The following PATL2 variants were observed in gnomAD, a reference collection of about 807,000 sequenced individuals.
PATL2 encodes the protein PAT1 homolog 2.
Under a neutral mutation model 77.0 loss-of-function variants are expected in PATL2, and 73 were observed. That is an observed-to-expected ratio of 0.95 (90% CI 0.78 to 1.15). The LOEUF (loss-of-function observed/expected upper bound fraction) is 1.15, where lower values mean the gene tolerates loss of function less well. PATL2 is among the 50% of genes most tolerant of loss of function. The pLI, the probability that PATL2 is intolerant of heterozygous loss-of-function variation, is 0.00. For synonymous variants in PATL2, 265 were observed against 257.1 expected, an observed-to-expected ratio of 1.03 and a Z score of -0.29; for missense variants, 618 against 655.4, an observed-to-expected ratio of 0.94 and a Z score of 0.62.
At chr15:44,686,054 G>A (rs987033956) in intron 3 of PATL2, among the ~76,000 whole-genome samples, 4 of 150,784 alleles carry the variant, frequency 2.7e-5, no homozygotes, top group African/African-American at 9.8e-5. Flanking sequence ...TGGACCAAGT[G>A]GACCTAATAG....
chr15:44,667,025 G>T, intron 16 of PATL2, 81 bp downstream of exon 16: 1 of 1,102,716 alleles, frequency 9.1e-7, no homozygotes, highest in Non-Finnish European at 1.3e-6. Context: ...ACTTGAAAAT[G>T]CCTCAGGAAA....
At chr15:44,703,365 C>A (rs573575622) in intron 3 of PATL2, among the ~76,000 whole-genome samples, 1 of 152,170 alleles carries the variant, frequency 6.6e-6, no homozygotes, top group Non-Finnish European at 1.5e-5. Flanking sequence ...GATGATCTGT[C>A]CAATGCTGAA....
chr15:44,669,465 T>G, intron 12 of PATL2, 45 bp downstream of exon 12: 1 of 1,549,116 alleles, frequency 6.5e-7, no homozygotes, highest in East Asian at 2.5e-5. Context: ...TATCTCATTC[T>G]CAAAGGTAGG....
At chr15:44,675,940 G>A (rs2085934217) in intron 4 of PATL2, 3 of 474,132 alleles carry the variant, frequency 6.3e-6, no homozygotes, top group Non-Finnish European at 1.1e-5. Context: ...CCAGTTACTT[G>A]GGAGGCCAAG....
rs777990250 is a variant in PATL2, at chr15:44,673,256, G to T, written c.425C>A (p.Thr142Asn). 7 of 1,551,600 alleles carry T rather than the reference G, an allele frequency of 4.5e-6. No homozygotes were observed. In the South Asian group the frequency reaches 8.3e-5, roughly 18 times the overall value. Residue 142 changes from threonine (T) to asparagine (N), a missense_variant, in exon 7 of 18, where the codon ACC (threonine) becomes AAC (asparagine). By Grantham distance (65) the Thr-to-Asn change is moderately conservative. Coordinates refer to ENST00000682850, the MANE Select transcript of PATL2 (RefSeq NM_001387263.1). ...GTACCTGAACCTAGGGGGCCACGAG[G>T]TCAGCAGGCTGCAGAAGAGAGTTGG... is the stretch of plus-strand genomic sequence containing the variant. ...PDPTLFCSLL[T>N]SWPPRFSHLT...
intron 4 of PATL2, 175 bp downstream of exon 4, chr15:44,676,296 TGAGA>T (rs2085950828): frequency 1.6e-6 from 1 of 629,366 alleles, no homozygotes; most frequent in Non-Finnish European, 2.9e-6. Flanking sequence ...ACTAGGTTGG[TGAGA>T]AAAATAAAGC....
At position 44,666,552 on chromosome 15, in the gene PATL2, T is replaced by C; in HGVS notation, c.1464-11A>G. ...ACCACCATGTCTGTCCTAGAGAGCATAAATATAAATATAAGCAAATAGATT... is the reference window on the plus strand; with the variant it reads ...ACCACCATGTCTGTCCTAGAGAGCACAAATATAAATATAAGCAAATAGATT... On this transcript the variant is annotated splice_polypyrimidine_tract_variant and intron_variant, in intron 16 of 17. Transcript: ENST00000682850. 1 of 1,499,000 alleles carries C rather than the reference T, an allele frequency of 6.7e-7. No individual in the cohort carries two copies. The allele number at this position is 1,499,000 out of a possible 1,614,324, so 92.9% of individuals were successfully genotyped here. A position where few individuals can be genotyped will look rare whatever the true frequency, so the allele number is the denominator to read the frequency against.
Position 44,669,369 on chromosome 15 carries a change from C to T in PATL2, c.975G>A (p.Arg325=). The T allele has an allele frequency of 6.4e-7, 1 of 1,551,560 alleles. No individual in the cohort carries two copies. The highest frequency in any genetic ancestry group is 8.7e-7 in the Non-Finnish European group (1 of 1,146,894). The change falls in exon 13 of 18, where the codon AGG becomes AGA. Residue 325 remains arginine (R), a synonymous_variant. Transcript: ENST00000682850. ...LLEIEEGWKY[R]PPPPCFSEQQ... ...GCTCAGAAAAGCAGGGCGGTGGAGG[C>T]CTATACTTCCAGCCTTCCTCTATTT...
At chr15:44,683,202 T>C (rs916531139) in intron 3 of PATL2, among the ~76,000 whole-genome samples, 1 of 152,050 alleles carries the variant, frequency 6.6e-6, no homozygotes, top group Admixed American at 6.6e-5. Flanking sequence ...GTTTTTTTTT[T>C]CATACCCCAG....
chr15:44,675,673 C>A lies in PATL2; in HGVS notation c.35G>T (p.Gly12Val). 2 of 1,550,524 alleles carry A rather than the reference C, an allele frequency of 1.3e-6. No homozygotes were observed. Among genetic ancestry groups the A allele is most frequent in the Non-Finnish European group, 1.7e-6 (2 of 1,146,282 alleles). ...NCLEGPGKTC[G>V]PLASEEELVS... ...CAGCTCCTCCTCAGAAGCCAAGGGGCCACAGGTCTTACCTGGCCCTTGGTT... is the reference window on the plus strand; with the variant it reads ...CAGCTCCTCCTCAGAAGCCAAGGGGACACAGGTCTTACCTGGCCCTTGGTT... The change falls in exon 5 of 18, where the codon GGC (glycine) becomes GTC (valine). Residue 12 changes from glycine (G) to valine (V), a missense_variant. By Grantham distance (109) the Gly-to-Val change is moderately radical. Transcript: ENST00000682850.
intron 3 of PATL2, among the ~76,000 whole-genome samples, chr15:44,683,282 AG>A (rs2086175323): frequency 6.6e-6 from 1 of 152,108 alleles, no homozygotes; most frequent in South Asian, 2.1e-4. Flanking sequence ...CAGGGAGCCA[AG>A]TGGTCTAGCT....
chr15:44,682,874 A>T (rs770579727), intron 3 of PATL2, among the ~76,000 whole-genome samples: 11 of 152,196 alleles, frequency 7.2e-5, no homozygotes, highest in Non-Finnish European at 1.3e-4. Context: ...TGATTTCTGC[A>T]TTTCCAACTG....
At chr15:44,689,730 A>G (rs1287075116) in intron 3 of PATL2, among the ~76,000 whole-genome samples, 1 of 152,096 alleles carries the variant, frequency 6.6e-6, no homozygotes, top group East Asian at 1.9e-4. Flanking sequence ...GGACTAGGGG[A>G]GGGATACCAT....
intron 16 of PATL2, 150 bp from the exon 17 acceptor site, chr15:44,666,691 G>A: frequency 1.3e-6 from 1 of 745,296 alleles, no homozygotes; most frequent in Non-Finnish European, 2.1e-6. Flanking sequence ...TTTGGTACGT[G>A]CCAAGCAATG....
chr15:44,690,160 G>C (rs2086356972), intron 3 of PATL2, among the ~76,000 whole-genome samples: 1 of 152,120 alleles, frequency 6.6e-6, no homozygotes, highest in Admixed American at 6.5e-5. Context: ...TTGCACTCCA[G>C]CCTGGGCAAC....
At chr15:44,699,876 A>G (rs905960145) in intron 3 of PATL2, among the ~76,000 whole-genome samples, 2 of 152,168 alleles carry the variant, frequency 1.3e-5, no homozygotes, top group African/African-American at 4.8e-5. Context: ...TTTTTATGCC[A>G]GTATCATGCT....
At chr15:44,682,236 T>G (rs1320148144) in intron 3 of PATL2, among the ~76,000 whole-genome samples, 2 of 152,252 alleles carry the variant, frequency 1.3e-5, no homozygotes, top group Non-Finnish European at 2.9e-5. Context: ...AATATTCTAG[T>G]TATTCAAATG....
At chr15:44,684,708 C>A (rs576666631) in intron 3 of PATL2, among the ~76,000 whole-genome samples, 1 of 152,120 alleles carries the variant, frequency 6.6e-6, no homozygotes, top group Non-Finnish European at 1.5e-5. Flanking sequence ...CCCAACCTAG[C>A]AAGACAGGCC....
rs536788668 is a variant in PATL2 at position 44,685,380 on chromosome 15, G to A, written c.-75-8815C>T. ...TCCCATCACTTTGGGAGGCCAAGGC[G>A]GGTGGATCACGAGGTCAAGAGATTG... On this transcript the variant is annotated intron_variant, in intron 3 of 17. Transcript: ENST00000682850. Among the ~76,000 whole-genome samples the A allele has an allele frequency of 4.5e-3, 679 of 152,284 alleles. 6 individuals carry two copies. The highest frequency in any genetic ancestry group is 0.015 in the African/African-American group (642 of 41,550).
Sources: allele counts gnomAD v4.1 joint callset (sites outside exome capture counted in the v4.1 genomes callset), GRCh38; gene constraint gnomAD v4.1.1; transcripts MANE v1.5; gene names NCBI Gene and HGNC (gene_info 2026-07-23, HGNC 2026-07-21).